Variants in KCNH7 observed in about 807,000 individuals in gnomAD.
The protein encoded by KCNH7 is voltage-gated inwardly rectifying potassium channel KCNH7.
In KCNH7, 49 loss-of-function variants were observed where a neutral mutation model predicts 120.8. The observed-to-expected ratio is 0.41, with a 90% confidence interval of 0.32 to 0.51. The LOEUF (loss-of-function observed/expected upper bound fraction) is 0.51, where lower values mean the gene tolerates loss of function less well. KCNH7 is among the 20% of genes least tolerant of loss of function. The probability of loss-of-function intolerance (pLI) is 0.38; values close to 1 mark genes in which losing one functional copy is unlikely to be tolerated. For missense variants in KCNH7, 1,097 were observed against 1,446.6 expected (o/e 0.76, Z 3.92); for synonymous variants, 547 against 516.1 (o/e 1.06, Z -0.81).
At chr2:162,655,779 A>C (rs1157965084) in intron 2 of KCNH7, among the ~76,000 whole-genome samples, 1 of 152,146 alleles carries the variant, frequency 6.6e-6, no homozygotes, top group African/African-American at 2.4e-5. Flanking sequence ...GTGATAGAGC[A>C]AGACTCCGTC....
rs142011714 is a variant in KCNH7 at position 162,567,519 on chromosome 2, A to G, written c.308-30439T>C. On this transcript the variant is annotated intron_variant, in intron 2 of 15. Coordinates refer to ENST00000332142, the MANE Select transcript of KCNH7 (RefSeq NM_033272.4). ...TGCATTTTTCCCCCCACAGTAAAAA[A>G]GCAAGTATGGCTTCAGTAGAGCATC... Among the ~76,000 whole-genome samples the G allele has an allele frequency of 5.8e-3, 888 of 152,130 alleles. 13 individuals carry two copies. Among genetic ancestry groups the G allele is most frequent in the African/African-American group, 0.02 (829 of 41,544 alleles).
At chr2:162,805,661 G>T (rs1338104846) in intron 2 of KCNH7, among the ~76,000 whole-genome samples, 1 of 152,040 alleles carries the variant, frequency 6.6e-6, no homozygotes, top group African/African-American at 2.4e-5. Context: ...TAACCTCTAT[G>T]GAAAACAGTA....
At chr2:162,678,036 T>A (rs377500370) in intron 2 of KCNH7, among the ~76,000 whole-genome samples, 2 of 151,530 alleles carry the variant, frequency 1.3e-5, no homozygotes, top group African/African-American at 4.8e-5. Flanking sequence ...TCTTTGTAAA[T>A]ATGCAAGTGT....
intron 2 of KCNH7, among the ~76,000 whole-genome samples, chr2:162,611,342 T>C (rs1250503729): frequency 6.6e-6 from 1 of 152,176 alleles, no homozygotes; most frequent in Non-Finnish European, 1.5e-5. Context: ...CAAGAGATCT[T>C]ATTCCGTGAC....
At chr2:162,395,233 A>G (rs796128886) in intron 11 of KCNH7, among the ~76,000 whole-genome samples, 7 of 151,886 alleles carry the variant, frequency 4.6e-5, no homozygotes, top group African/African-American at 1.2e-4. Context: ...TGGTGTTCTG[A>G]ATTCCCATGT....
At chr2:162,709,866 A>T (rs1686859706) in intron 2 of KCNH7, among the ~76,000 whole-genome samples, 1 of 152,168 alleles carries the variant, frequency 6.6e-6, no homozygotes, top group Non-Finnish European at 1.5e-5. Context: ...GTACCCTTGC[A>T]GACTGCCCAG....
At chr2:162,449,663 A>T (rs1487368687) in intron 6 of KCNH7, among the ~76,000 whole-genome samples, 3 of 151,994 alleles carry the variant, frequency 2.0e-5, no homozygotes, top group African/African-American at 7.2e-5. Context: ...AATGCTGTGG[A>T]TTGTCCACAG....
chr2:162,753,885 C>T (rs1375173983), intron 2 of KCNH7, among the ~76,000 whole-genome samples: 1 of 151,918 alleles, frequency 6.6e-6, no homozygotes, highest in African/African-American at 2.4e-5. Flanking sequence ...GACCTATTTG[C>T]AGATTAGTAG....
intron 2 of KCNH7, among the ~76,000 whole-genome samples, chr2:162,546,661 T>G (rs1692490572): frequency 6.6e-6 from 1 of 152,142 alleles, no homozygotes; most frequent in Non-Finnish European, 1.5e-5. Flanking sequence ...AACCATACAT[T>G]GTGCTCTATG....
intron 2 of KCNH7, among the ~76,000 whole-genome samples, chr2:162,597,583 G>A (rs967539146): frequency 3.3e-5 from 5 of 151,928 alleles, no homozygotes; most frequent in African/African-American, 9.7e-5. Context: ...TTGGCCAAAG[G>A]GTGCAAAGTT....
At chr2:162,447,992 A>G (rs1020220011) in intron 6 of KCNH7, among the ~76,000 whole-genome samples, 4 of 152,124 alleles carry the variant, frequency 2.6e-5, no homozygotes, top group African/African-American at 4.8e-5. Flanking sequence ...TAATCAGTCC[A>G]CTGTAAATTT....
At chr2:162,711,716 G>A (rs1686934741) in intron 2 of KCNH7, among the ~76,000 whole-genome samples, 1 of 152,112 alleles carries the variant, frequency 6.6e-6, no homozygotes, top group Non-Finnish European at 1.5e-5. Context: ...TTGACAACCA[G>A]AGTAAGTTCT....
intron 2 of KCNH7, among the ~76,000 whole-genome samples, chr2:162,747,974 T>C (rs2105423627): frequency 6.6e-6 from 1 of 152,280 alleles, no homozygotes; most frequent in East Asian, 1.9e-4. Context: ...CCCTTTATGG[T>C]TTACAGCCCC....
chr2:162,635,051 T>C (rs1046484660), intron 2 of KCNH7, among the ~76,000 whole-genome samples: 1 of 152,066 alleles, frequency 6.6e-6, no homozygotes, highest in Non-Finnish European at 1.5e-5. Context: ...CAGTCATGTT[T>C]CAACTGCTTA....
At chr2:162,554,968 T>C (rs940055065) in intron 2 of KCNH7, among the ~76,000 whole-genome samples, 8 of 152,208 alleles carry the variant, frequency 5.3e-5, no homozygotes, top group East Asian at 1.9e-4. Flanking sequence ...AGAACTTATA[T>C]GATGACACTG....
intron 4 of KCNH7, among the ~76,000 whole-genome samples, chr2:162,514,100 C>T (rs1391754171): frequency 6.6e-6 from 1 of 151,784 alleles, no homozygotes; most frequent in African/African-American, 2.4e-5. Flanking sequence ...TCTATGCTAA[C>T]ACTGTGCCCA....
At chr2:162,506,120 AT>A (rs2105757743) in intron 5 of KCNH7, among the ~76,000 whole-genome samples, 1 of 152,026 alleles carries the variant, frequency 6.6e-6, no homozygotes, top group South Asian at 2.1e-4. Flanking sequence ...AGTCTTATCC[AT>A]GACGATGACC....
chr2:162,570,811 T>A (rs1033992233), intron 2 of KCNH7, among the ~76,000 whole-genome samples: 2 of 152,202 alleles, frequency 1.3e-5, no homozygotes, highest in African/African-American at 4.8e-5. Flanking sequence ...ATTATCTCAA[T>A]AGATGCAGAA....
chr2:162,789,674 G>A (rs188739402), intron 2 of KCNH7, among the ~76,000 whole-genome samples: 1 of 151,804 alleles, frequency 6.6e-6, no homozygotes, highest in African/African-American at 2.4e-5. Flanking sequence ...GAACAGAATG[G>A]TATGAAATTA....
Sources: allele counts gnomAD v4.1 joint callset (sites outside exome capture counted in the v4.1 genomes callset), GRCh38; gene constraint gnomAD v4.1.1; transcripts MANE v1.5; gene names NCBI Gene and HGNC (gene_info 2026-07-23, HGNC 2026-07-21).